Variants in TNFRSF10B observed in about 807,000 individuals in gnomAD.
TNFRSF10B encodes tumor necrosis factor receptor superfamily member 10B.
A neutral mutation model predicts 41.4 loss-of-function variants in TNFRSF10B; 35 were observed. That is an observed-to-expected ratio of 0.85 (90% CI 0.65 to 1.12). TNFRSF10B has a LOEUF of 1.12. TNFRSF10B is among the 50% of genes most tolerant of loss of function. TNFRSF10B has a pLI of 0.00. For synonymous variants in TNFRSF10B, 230 were observed against 215.5 expected, an observed-to-expected ratio of 1.07 and a Z score of -0.59; for missense variants, 584 against 552.7, an observed-to-expected ratio of 1.06 and a Z score of -0.57.
chr8:23,020,410 A>G lies in TNFRSF10B; in HGVS notation c.*2261T>C. 2.2e-6 allele frequency: 1 copy of G among 454,134 alleles called. No homozygotes were observed. Among genetic ancestry groups the G allele is most frequent in the South Asian group, 1.6e-5 (1 of 64,478 alleles). 28.1% of individuals were successfully genotyped at this position (454,134 alleles called of 1,614,324 possible). A position where few individuals can be genotyped will look rare whatever the true frequency, so the allele number is the denominator to read the frequency against. ...GTCAGGAAGCTTACTTTAAAAGAAT[A>G]GCTTGGCCTGGCTGGTGGCTCACGC... On this transcript the variant is annotated 3_prime_UTR_variant, in exon 9 of 9. Transcript: ENST00000276431.
At chr8:23,046,162 G>A (rs142216550) in intron 1 of TNFRSF10B, among the ~76,000 whole-genome samples, 320 of 152,252 alleles carry the variant, frequency 2.1e-3, no homozygotes, top group Non-Finnish European at 3.9e-3. Flanking sequence ...TCTATTTGCC[G>A]ATGACATGAT....
chr8:23,049,830 G>C (rs558775358), intron 1 of TNFRSF10B: 1 of 152,162 alleles, frequency 6.6e-6, no homozygotes, highest in Non-Finnish European at 1.5e-5. Context: ...ATTGGGCAGC[G>C]AGATTCACCT....
chr8:23,026,266 GT>G (rs3837204), intron 7 of TNFRSF10B, among the ~76,000 whole-genome samples: 39,513 of 151,408 alleles, frequency 0.26, 5,365 homozygotes, highest in Admixed American at 0.33. Flanking sequence ...ATAAGATCTA[GT>G]TTTTTTTTGT....
intron 2 of TNFRSF10B, among the ~76,000 whole-genome samples, chr8:23,036,892 G>T (rs1457352766): frequency 6.6e-6 from 1 of 152,170 alleles, no homozygotes; most frequent in Non-Finnish European, 1.5e-5. Flanking sequence ...AGTACACCTG[G>T]TTGTTCATTT....
Position 23,028,620 on chromosome 8 carries a change from G to A in TNFRSF10B, c.477-18C>T. On this transcript the variant is annotated intron_variant, in intron 4 of 8. Transcript: ENST00000276431. Reference sequence around the variant, plus strand: ...TGGGACACCTGGGTACACACACAGAGGGAGAGGGGGGACTCTTGATGGAAA... The same window carrying A: ...TGGGACACCTGGGTACACACACAGAAGGAGAGGGGGGACTCTTGATGGAAA... 2 of 1,613,858 alleles carry A rather than the reference G, an allele frequency of 1.2e-6. No homozygotes were observed. The highest frequency in any genetic ancestry group is 1.7e-6 in the Non-Finnish European group (2 of 1,179,914).
intron 2 of TNFRSF10B, among the ~76,000 whole-genome samples, chr8:23,033,925 C>T (rs1811959517): frequency 6.6e-6 from 1 of 152,078 alleles, no homozygotes; most frequent in Admixed American, 6.6e-5. Context: ...CCAATTACTT[C>T]CCAAAGGCAC....
chr8:23,023,317 C>T (rs1266562985), intron 8 of TNFRSF10B, among the ~76,000 whole-genome samples: 5 of 152,238 alleles, frequency 3.3e-5, no homozygotes, highest in East Asian at 1.9e-4. Context: ...GTGGCTGCAG[C>T]GGGAGCTTAG....
intron 7 of TNFRSF10B, among the ~76,000 whole-genome samples, chr8:23,026,867 A>T (rs938527529): frequency 6.6e-6 from 1 of 152,208 alleles, no homozygotes; most frequent in Non-Finnish European, 1.5e-5. Flanking sequence ...TCACTCATCA[A>T]TGAACCCTGT....
chr8:23,022,357 A>C lies in TNFRSF10B; in HGVS notation c.*314T>G, dbSNP rs1411801290. 8.0e-6 allele frequency: 4 copies of C among 499,790 alleles called. No individual in the cohort carries two copies. In the Admixed American group the frequency reaches 9.1e-5, roughly 11 times the overall value. The allele number at this position is 499,790 out of a possible 1,614,324, so 31.0% of individuals were successfully genotyped here. ...ACAATGTAGCCCAAATAAATAAATAAAGCATTTACATTAGGATAAAAAAGT... is the reference window on the plus strand; with the variant it reads ...ACAATGTAGCCCAAATAAATAAATACAGCATTTACATTAGGATAAAAAAGT... On this transcript the variant is annotated 3_prime_UTR_variant, in exon 9 of 9. Transcript: ENST00000276431.
chr8:23,068,913 T>A lies in TNFRSF10B; in HGVS notation c.-19A>T. 1 of 1,613,274 alleles carries A rather than the reference T, an allele frequency of 6.2e-7. No homozygotes were observed. The highest frequency in any genetic ancestry group is 1.3e-5 in the African/African-American group (1 of 75,030). ...GTTCCATGGCGGTAGGGAACGCTCT[T>A]ATAGTCTCTCAGGCCCGTGGGTTTC... On this transcript the variant is annotated 5_prime_UTR_variant, in exon 1 of 9. Transcript: ENST00000276431.
chr8:23,066,355 G>C (rs935253421), intron 1 of TNFRSF10B, among the ~76,000 whole-genome samples: 1 of 152,050 alleles, frequency 6.6e-6, no homozygotes, highest in Non-Finnish European at 1.5e-5. Context: ...AACTTCTAAA[G>C]TTCAAAAAAT....
rs1311574580 is a variant in TNFRSF10B, at chr8:23,021,093, C to T, written c.*1578G>A. The stretch of plus-strand genomic sequence containing the variant: ...GCCTTGAGACAGAAAAGACCAAAAA[C>T]TCCTGGAATGACTACCTGCATAAAT... On this transcript the variant is annotated 3_prime_UTR_variant, in exon 9 of 9. Transcript: ENST00000276431. 2.2e-6 allele frequency: 1 copy of T among 454,122 alleles called. No individual in the cohort carries two copies. Among genetic ancestry groups the T allele is most frequent in the Non-Finnish European group, 4.4e-6 (1 of 226,790 alleles). 28.1% of individuals were successfully genotyped at this position (454,122 alleles called of 1,614,324 possible). A position where few individuals can be genotyped will look rare whatever the true frequency, so the allele number is the denominator to read the frequency against.
intron 8 of TNFRSF10B, 132 bp from the exon 9 acceptor site, chr8:23,023,116 G>T: frequency 1.7e-6 from 2 of 1,157,114 alleles, no homozygotes; most frequent in Non-Finnish European, 2.5e-6. Flanking sequence ...CCGCTCCAGT[G>T]CCCACCCGCT....
intron 1 of TNFRSF10B, among the ~76,000 whole-genome samples, chr8:23,052,406 C>T (rs913549408): frequency 6.6e-6 from 1 of 151,848 alleles, no homozygotes; most frequent in African/African-American, 2.4e-5. Context: ...CTGCCTCAGC[C>T]TCCCGAGTAG....
intron 1 of TNFRSF10B, among the ~76,000 whole-genome samples, chr8:23,045,430 G>A (rs1812331216): frequency 6.6e-6 from 1 of 152,138 alleles, no homozygotes; most frequent in Non-Finnish European, 1.5e-5. Context: ...TAAGGATATT[G>A]AATCAGTAAT....
intron 1 of TNFRSF10B, among the ~76,000 whole-genome samples, chr8:23,054,192 TTGA>T (rs1357814690): frequency 6.6e-6 from 1 of 151,272 alleles, no homozygotes; most frequent in Non-Finnish European, 1.5e-5. Context: ...AGGAAAAACG[TTGA>T]TGACTCTTGA....
intron 1 of TNFRSF10B, among the ~76,000 whole-genome samples, chr8:23,058,849 T>C (rs1812745374): frequency 6.6e-6 from 1 of 152,198 alleles, no homozygotes; most frequent in African/African-American, 2.4e-5. Context: ...GTGACTAAAA[T>C]AAATGCTGTT....
chr8:23,059,514 T>TG (rs1563324048), intron 1 of TNFRSF10B, among the ~76,000 whole-genome samples: 8 of 151,944 alleles, frequency 5.3e-5, no homozygotes, highest in Non-Finnish European at 1.2e-4. Context: ...TGTGTGTTGT[T>TG]TTTGTTTTTT....
rs1169813512 is a variant in TNFRSF10B, at chr8:23,020,757, T to C, written c.*1914A>G. 2.2e-6 allele frequency: 1 copy of C among 453,670 alleles called. No individual in the cohort carries two copies. The highest frequency in any genetic ancestry group is 7.0e-5 in the East Asian group (1 of 14,386). 28.1% of individuals were successfully genotyped at this position (453,670 alleles called of 1,614,324 possible). ...AGGCTGACACTCTAGATGCATCTTC[T>C]AGGAAGGCCTCTGTGGAAGGGACAA... On this transcript the variant is annotated 3_prime_UTR_variant, in exon 9 of 9. Coordinates refer to ENST00000276431, the MANE Select transcript of TNFRSF10B (RefSeq NM_003842.5).
Sources: gnomAD v4.1 joint callset for allele counts (sites outside exome capture counted in the v4.1 genomes callset) on GRCh38, gnomAD v4.1.1 for gene constraint, MANE v1.5 for transcripts, NCBI Gene and HGNC (gene_info 2026-07-23, HGNC 2026-07-21) for gene names.